The following SEMA6D variants were observed in gnomAD, a reference collection of about 807,000 sequenced individuals.
SEMA6D encodes semaphorin 6D.
SEMA6D carries 35 observed loss-of-function variants against 106.6 expected under a neutral mutation model. The ratio of observed to expected loss-of-function variants is 0.33; its 90% CI spans 0.25 to 0.44. SEMA6D has a LOEUF of 0.44. SEMA6D is among the 20% of genes least tolerant of loss of function. The pLI, the probability that SEMA6D is intolerant of heterozygous loss-of-function variation, is 1.00. For synonymous variants in SEMA6D, 499 were observed against 487.7 expected, an observed-to-expected ratio of 1.02 and a Z score of -0.31; for missense variants, 1,185 against 1,345.9, an observed-to-expected ratio of 0.88 and a Z score of 1.87.
intron 1 of SEMA6D, among the ~76,000 whole-genome samples, chr15:47,227,573 A>T (rs867163642): frequency 0.012 from 1,613 of 131,842 alleles, 15 homozygotes; most frequent in African/African-American, 0.022. Flanking sequence ...TCTCTCTCAC[A>T]CACACACACA....
chr15:47,562,664 T>C (rs1332885909), intron 3 of SEMA6D, among the ~76,000 whole-genome samples: 1 of 152,024 alleles, frequency 6.6e-6, no homozygotes, highest in Non-Finnish European at 1.5e-5. Flanking sequence ...CACGCTAGAA[T>C]GACTATAGTA....
intron 1 of SEMA6D, among the ~76,000 whole-genome samples, chr15:47,393,984 T>C (rs1403017032): frequency 6.6e-6 from 1 of 152,162 alleles, no homozygotes; most frequent in Non-Finnish European, 1.5e-5. Context: ...TTTCTTAAAG[T>C]CTTTTAGCAA....
chr15:47,418,132 A>G (rs1185739183), intron 2 of SEMA6D, among the ~76,000 whole-genome samples: 1 of 152,096 alleles, frequency 6.6e-6, no homozygotes, highest in Admixed American at 6.6e-5. Flanking sequence ...AAGCTTTTCT[A>G]TGTAGATACC....
chr15:47,603,277 G>C (rs1246860848), intron 4 of SEMA6D: 1 of 152,168 alleles, frequency 6.6e-6, no homozygotes, highest in East Asian at 1.9e-4. Flanking sequence ...CTGTCCTGTA[G>C]CTGGGACCTT....
intron 4 of SEMA6D, among the ~76,000 whole-genome samples, chr15:47,703,420 A>G (rs1393996670): frequency 1.3e-5 from 2 of 152,234 alleles, no homozygotes; most frequent in African/African-American, 4.8e-5. Flanking sequence ...TAAATTTATG[A>G]CATAGGCTCT....
chr15:47,498,763 A>C (rs150537159), intron 3 of SEMA6D, among the ~76,000 whole-genome samples: 1 of 152,132 alleles, frequency 6.6e-6, no homozygotes, highest in African/African-American at 2.4e-5. Flanking sequence ...CTAAAAAGCT[A>C]CCTGAGGCAC....
intron 3 of SEMA6D, among the ~76,000 whole-genome samples, chr15:47,504,149 G>A (rs1466687685): frequency 2.0e-5 from 3 of 152,212 alleles, no homozygotes; most frequent in Non-Finnish European, 4.4e-5. Context: ...CATCAGCCGG[G>A]TTTGCCTTTT....
At chr15:47,333,369 A>G (rs2037421646) in intron 1 of SEMA6D, among the ~76,000 whole-genome samples, 1 of 152,186 alleles carries the variant, frequency 6.6e-6, no homozygotes, top group South Asian at 2.1e-4. Flanking sequence ...GAAAAATTGT[A>G]TGGACCATAA....
chr15:47,701,088 G>A (rs188344853), intron 4 of SEMA6D, among the ~76,000 whole-genome samples: 244 of 152,264 alleles, frequency 1.6e-3, no homozygotes, highest in Non-Finnish European at 5.4e-4. Context: ...GAAGGAAGTG[G>A]TAAGCTGGAA....
At chr15:47,581,393 T>C (rs746623105) in intron 3 of SEMA6D, 3 of 493,062 alleles carry the variant, frequency 6.1e-6, no homozygotes, top group South Asian at 4.4e-5. Flanking sequence ...GATAATTCCA[T>C]GTAATGGGAA....
chr15:47,759,692 A>G, intron 1 of SEMA6D, 53 bp from the exon 2 acceptor site: 1 of 807,220 alleles, frequency 1.2e-6, no homozygotes, highest in Non-Finnish European at 2.1e-6. Flanking sequence ...TACAAACAAG[A>G]AAACCGCTTC....
intron 1 of SEMA6D, among the ~76,000 whole-genome samples, chr15:47,736,946 C>T (rs540756777): frequency 1.1e-4 from 17 of 152,054 alleles, no homozygotes; most frequent in Middle Eastern, 3.4e-3. Context: ...AAGAGAACGG[C>T]GGTGATTTTG....
At chr15:47,412,986 G>A (rs960437582) in intron 2 of SEMA6D, among the ~76,000 whole-genome samples, 4 of 152,184 alleles carry the variant, frequency 2.6e-5, no homozygotes, top group African/African-American at 9.7e-5. Flanking sequence ...CCACACACTG[G>A]ACACTTGCTG....
At chr15:47,491,393 C>G (rs2043470965) in intron 3 of SEMA6D, among the ~76,000 whole-genome samples, 1 of 152,038 alleles carries the variant, frequency 6.6e-6, no homozygotes, top group African/African-American at 2.4e-5. Flanking sequence ...ATGAGAAAAA[C>G]AAGTGTCAGA....
At chr15:47,636,156 A>G (rs75112879) in intron 4 of SEMA6D, among the ~76,000 whole-genome samples, 2,796 of 152,220 alleles carry the variant, frequency 0.018, 81 homozygotes, top group African/African-American at 0.064. Flanking sequence ...ATGTTCTCAC[A>G]CTGAATTGTG....
chr15:47,730,183 G>T (rs1002006529), intron 1 of SEMA6D: 1 of 1,535,468 alleles, frequency 6.5e-7, no homozygotes, highest in Non-Finnish European at 8.9e-7. Flanking sequence ...TTGCCTTTTC[G>T]AGCTTGGCGA....
intron 1 of SEMA6D, among the ~76,000 whole-genome samples, chr15:47,402,421 T>C (rs928999921): frequency 2.0e-5 from 3 of 152,194 alleles, no homozygotes; most frequent in Admixed American, 2.0e-4. Flanking sequence ...ATTAGGACAA[T>C]GGCTCTTCAG....
chr15:47,232,502 G>T (rs1595781744), intron 1 of SEMA6D, among the ~76,000 whole-genome samples: 1 of 145,578 alleles, frequency 6.9e-6, no homozygotes, highest in Admixed American at 7.1e-5. Flanking sequence ...ATCCTTTCTA[G>T]CTCTTGTTAT....
intron 3 of SEMA6D, among the ~76,000 whole-genome samples, chr15:47,589,768 C>T (rs562437530): frequency 6.6e-6 from 1 of 152,290 alleles, no homozygotes; most frequent in East Asian, 1.9e-4. Flanking sequence ...TCACTGGTGG[C>T]CTTACAAGAG....
Sources: gnomAD v4.1 joint callset for allele counts (sites outside exome capture counted in the v4.1 genomes callset) on GRCh38, gnomAD v4.1.1 for gene constraint, MANE v1.5 for transcripts, NCBI Gene and HGNC (gene_info 2026-07-23, HGNC 2026-07-21) for gene names.